Variants in RBMS3 observed in about 807,000 individuals in gnomAD.
The protein encoded by RBMS3 is RNA binding motif single stranded interacting protein 3.
RBMS3 carries 27 observed loss-of-function variants against 66.8 expected under a neutral mutation model. That is an observed-to-expected ratio of 0.40 (90% confidence interval 0.30 to 0.56). The LOEUF is 0.56. Ranked by LOEUF, RBMS3 falls within the 20% of genes least tolerant of loss-of-function variation. The pLI is 0.40. For missense variants in RBMS3, 513 were observed against 549.5 expected (o/e 0.93, Z 0.66); for synonymous variants, 188 against 183.0 (o/e 1.03, Z -0.22).
intron 4 of RBMS3, among the ~76,000 whole-genome samples, chr3:29,728,285 G>T (rs968558058): frequency 1.3e-5 from 2 of 152,078 alleles, no homozygotes. Flanking sequence ...ATGACGGGTC[G>T]ATAGGTGCAG....
At chr3:29,896,521 G>A (rs951217564) in intron 8 of RBMS3, among the ~76,000 whole-genome samples, 3 of 151,436 alleles carry the variant, frequency 2.0e-5, no homozygotes, top group South Asian at 2.1e-4. Flanking sequence ...TCTGTGGCTC[G>A]CCACTCTAAC....
intron 1 of RBMS3, among the ~76,000 whole-genome samples, chr3:29,361,720 C>T (rs1369453934): frequency 6.6e-6 from 1 of 152,174 alleles, no homozygotes; most frequent in Admixed American, 6.5e-5. Flanking sequence ...CACATAGTCC[C>T]ATATTTCTTG....
At chr3:29,715,611 T>C (rs1266270989) in intron 4 of RBMS3, among the ~76,000 whole-genome samples, 1 of 152,156 alleles carries the variant, frequency 6.6e-6, no homozygotes, top group Admixed American at 6.6e-5. Context: ...AACTCCCTTG[T>C]ATGTTCAATG....
At chr3:29,445,763 T>C (rs1317604181) in intron 2 of RBMS3, among the ~76,000 whole-genome samples, 1 of 152,128 alleles carries the variant, frequency 6.6e-6, no homozygotes, top group Non-Finnish European at 1.5e-5. Flanking sequence ...AAAAAGAAAA[T>C]TTTAAAAAAC....
chr3:29,868,931 C>G lies in RBMS3; in HGVS notation c.711C>G (p.Thr237=), dbSNP rs755532641. 3.1e-6 allele frequency: 5 copies of G among 1,601,890 alleles called. No homozygotes were observed. In the Admixed American group the frequency reaches 8.5e-5, roughly 27 times the overall value. Residue 237 remains threonine, a synonymous_variant, in exon 7 of 15, where the codon ACC becomes ACG. Coordinates refer to ENST00000383767, the MANE Select transcript of RBMS3 (RefSeq NM_001003793.3). ...QKKRQNQSKY[T]QNGRPWPREG... is the part of the protein sequence containing the mutation. The stretch of plus-strand genomic sequence containing the variant: ...AGCGACAGAATCAAAGCAAATATAC[C>G]CAGAATGGGAGGCCTTGGCCCAGGG...
chr3:29,785,831 G>A (rs1359002558), intron 6 of RBMS3, among the ~76,000 whole-genome samples: 3 of 152,026 alleles, frequency 2.0e-5, no homozygotes, highest in Admixed American at 6.6e-5. Flanking sequence ...AGTACTGGAA[G>A]TCTTAGCCAG....
At chr3:29,841,160 G>GT (rs2058654168) in intron 6 of RBMS3, among the ~76,000 whole-genome samples, 2 of 151,688 alleles carry the variant, frequency 1.3e-5, no homozygotes, top group Non-Finnish European at 3.0e-5. Context: ...TGTGGTTCCA[G>GT]TTTTTTTATT....
At chr3:29,906,033 T>C (rs572332169) in intron 10 of RBMS3, among the ~76,000 whole-genome samples, 13 of 152,248 alleles carry the variant, frequency 8.5e-5, no homozygotes, top group African/African-American at 3.1e-4. Flanking sequence ...TTTAAGAATA[T>C]GACATATTTA....
chr3:29,883,094 A>G (rs893312897), intron 7 of RBMS3, among the ~76,000 whole-genome samples: 1 of 152,120 alleles, frequency 6.6e-6, no homozygotes, highest in Non-Finnish European at 1.5e-5. Context: ...ACTTACTTGA[A>G]CAGTTTTAAA....
intron 14 of RBMS3, among the ~76,000 whole-genome samples, chr3:29,995,313 G>T (rs200267955): frequency 0.11 from 8,979 of 84,246 alleles, no homozygotes; most frequent in Non-Finnish European, 0.12. Context: ...GTGATGGGGA[G>T]AATGGAACCA....
At chr3:29,658,425 T>C (rs114213319) in intron 4 of RBMS3, among the ~76,000 whole-genome samples, 1,922 of 152,304 alleles carry the variant, frequency 0.013, 29 homozygotes, top group African/African-American at 0.036. Context: ...CCAGATGATA[T>C]TGATTTTGCT....
intron 10 of RBMS3, among the ~76,000 whole-genome samples, chr3:29,910,757 A>AT: frequency 7.0e-6 from 1 of 143,598 alleles, no homozygotes; most frequent in African/African-American, 2.6e-5. Flanking sequence ...ATACATATAC[A>AT]TATATATGTA....
intron 5 of RBMS3, among the ~76,000 whole-genome samples, chr3:29,745,788 C>G (rs12495435): frequency 0.028 from 4,294 of 152,074 alleles, 174 homozygotes; most frequent in African/African-American, 0.098. Flanking sequence ...TCTCATGGAG[C>G]TTTGTTTGAA....
intron 7 of RBMS3, among the ~76,000 whole-genome samples, chr3:29,869,589 A>G (rs894412356): frequency 1.3e-5 from 2 of 152,172 alleles, no homozygotes; most frequent in Non-Finnish European, 2.9e-5. Context: ...TGAACAGCTC[A>G]CTATCCATTT....
At chr3:29,654,224 AT>A (rs2050242228) in intron 4 of RBMS3, among the ~76,000 whole-genome samples, 2 of 152,188 alleles carry the variant, frequency 1.3e-5, no homozygotes, top group African/African-American at 4.8e-5. Context: ...TTTTAAACCT[AT>A]TTTACAAATG....
intron 1 of RBMS3, among the ~76,000 whole-genome samples, chr3:29,412,792 A>T (rs948086856): frequency 1.3e-5 from 2 of 152,216 alleles, no homozygotes; most frequent in African/African-American, 4.8e-5. Context: ...AATGTCTCCT[A>T]GAACCTTAAG....
chr3:29,571,044 A>T (rs1250757083), intron 3 of RBMS3, among the ~76,000 whole-genome samples: 1 of 152,146 alleles, frequency 6.6e-6, no homozygotes, highest in East Asian at 1.9e-4. Context: ...ATGATATCTC[A>T]TCATAGTTTT....
At chr3:29,834,915 G>A (rs537157122) in intron 6 of RBMS3, among the ~76,000 whole-genome samples, 7 of 151,990 alleles carry the variant, frequency 4.6e-5, no homozygotes, top group East Asian at 1.9e-4. Flanking sequence ...AAGGAAATTC[G>A]TAGACTGAAA....
chr3:29,319,204 T>C (rs928544807), intron 1 of RBMS3, among the ~76,000 whole-genome samples: 9 of 151,986 alleles, frequency 5.9e-5, no homozygotes, highest in African/African-American at 2.2e-4. Flanking sequence ...TCTCATTTAA[T>C]AGCATTCCAG....
Sources: gnomAD v4.1 joint callset for allele counts (sites outside exome capture counted in the v4.1 genomes callset) on GRCh38, gnomAD v4.1.1 for gene constraint, MANE v1.5 for transcripts, NCBI Gene and HGNC (gene_info 2026-07-23, HGNC 2026-07-21) for gene names.